APP: variants seen among roughly 807,000 people sequenced by gnomAD.
APP encodes amyloid beta precursor protein, also known as amyloid-beta precursor protein.
Under a neutral mutation model 101.4 loss-of-function variants are expected in APP, and 31 were observed. That is an observed-to-expected ratio of 0.31 (90% CI 0.23 to 0.41). The LOEUF is 0.41. APP is among the 10% of genes least tolerant of loss of function. APP has a pLI of 1.00. For synonymous variants in APP, 366 were observed against 364.4 expected (o/e 1.00, Z -0.05); for missense variants, 839 against 1,003.7 (o/e 0.84, Z 2.22).
chr21:26,004,156 T>A (rs1168874890), intron 6 of APP, among the ~76,000 whole-genome samples: 1 of 151,954 alleles, frequency 6.6e-6, no homozygotes, highest in African/African-American at 2.4e-5. Context: ...CTCTCAGAAG[T>A]GAACACGGAG....
intron 8 of APP, among the ~76,000 whole-genome samples, chr21:25,988,702 CAAAAAAAA>C (rs537417600): frequency 2.2e-4 from 14 of 62,372 alleles, no homozygotes; most frequent in Non-Finnish European, 3.7e-4. Flanking sequence ...AACTCTGTCT[CAAAAAAAA>C]AAAAAAAAAA....
At chr21:26,119,715 C>T (rs1169800367) in intron 1 of APP, among the ~76,000 whole-genome samples, 1 of 152,120 alleles carries the variant, frequency 6.6e-6, no homozygotes, top group Non-Finnish European at 1.5e-5. Flanking sequence ...CATATACACA[C>T]AGTTTAAGAG....
At chr21:25,899,005 C>G (rs1003068116) in intron 15 of APP, among the ~76,000 whole-genome samples, 1 of 152,182 alleles carries the variant, frequency 6.6e-6, no homozygotes, top group African/African-American at 2.4e-5. Context: ...CTGACAAAAC[C>G]TAGGAAATCC....
intron 3 of APP, among the ~76,000 whole-genome samples, chr21:26,069,187 G>C (rs768645447): frequency 6.6e-6 from 1 of 152,112 alleles, no homozygotes; most frequent in African/African-American, 2.4e-5. Context: ...TAAAAATCAT[G>C]CTTCCACTTT....
In APP at chr21:25,961,936, C is replaced by T. The variant is rs182551860; in HGVS notation, c.1459-6181G>A. Among the ~76,000 whole-genome samples, 404 of 151,778 alleles carry T rather than the reference C, an allele frequency of 2.7e-3. 1 individual carries two copies. Among genetic ancestry groups the T allele is most frequent in the African/African-American group, 9.4e-3 (390 of 41,378 alleles). On this transcript the variant is annotated intron_variant, in intron 11 of 17. Transcript: ENST00000346798. Reference sequence around the variant, plus strand: ...TTTTTTAACCTGCAGGCATATAATCCGGATCACCCTCATGTCTTTAAATCT... The same window carrying T: ...TTTTTTAACCTGCAGGCATATAATCTGGATCACCCTCATGTCTTTAAATCT...
At chr21:25,887,278 C>T (rs567164891) in intron 17 of APP, among the ~76,000 whole-genome samples, 30 of 152,214 alleles carry the variant, frequency 2.0e-4, no homozygotes, top group African/African-American at 6.7e-4. Context: ...GCAGGAACGT[C>T]CTAAAACAGG....
At chr21:25,964,429 A>G (rs1005956370) in intron 11 of APP, among the ~76,000 whole-genome samples, 4 of 152,202 alleles carry the variant, frequency 2.6e-5, no homozygotes, top group African/African-American at 9.7e-5. Flanking sequence ...AAAGAGGAGA[A>G]AAATTAACTC....
At chr21:25,930,573 G>T (rs919189971) in intron 13 of APP, among the ~76,000 whole-genome samples, 2 of 86 alleles carry the variant, frequency 0.023, no homozygotes, top group African/African-American at 0.05. Flanking sequence ...AGGCAAGTGT[G>T]TAATAGCACA....
intron 3 of APP, among the ~76,000 whole-genome samples, chr21:26,073,375 G>A (rs899622843): frequency 1.3e-5 from 2 of 152,246 alleles, no homozygotes; most frequent in East Asian, 1.9e-4. Context: ...CCCATCAACC[G>A]ATGCCACTGA....
At chr21:26,068,936 A>C (rs1420006831) in intron 3 of APP, among the ~76,000 whole-genome samples, 1 of 152,144 alleles carries the variant, frequency 6.6e-6, no homozygotes. Flanking sequence ...ACTTTTAGCA[A>C]ATGTACTAGA....
chr21:26,021,647 A>G (rs2044341915), intron 6 of APP, among the ~76,000 whole-genome samples, 193 bp downstream of exon 6: 1 of 152,206 alleles, frequency 6.6e-6, no homozygotes, highest in Non-Finnish European at 1.5e-5. Flanking sequence ...AAACTGTATA[A>G]TAAAGATTTC....
chr21:26,106,392 GT>G (rs905265432), intron 2 of APP, among the ~76,000 whole-genome samples: 1 of 152,132 alleles, frequency 6.6e-6, no homozygotes, highest in Non-Finnish European at 1.5e-5. Context: ...TGTTTAGGGG[GT>G]TTTTATCACC....
chr21:25,933,653 C>A (rs939537353), intron 13 of APP, among the ~76,000 whole-genome samples: 3 of 152,158 alleles, frequency 2.0e-5, no homozygotes, highest in Admixed American at 6.5e-5. Flanking sequence ...TTTATACATG[C>A]CTTTTCATCT....
At chr21:26,046,091 C>T (rs1399199594) in intron 5 of APP, among the ~76,000 whole-genome samples, 2 of 151,818 alleles carry the variant, frequency 1.3e-5, no homozygotes, top group Non-Finnish European at 2.9e-5. Context: ...AAAGACTTGC[C>T]CCCATGATTC....
At chr21:26,082,385 C>T (rs993501442) in intron 3 of APP, among the ~76,000 whole-genome samples, 7 of 151,862 alleles carry the variant, frequency 4.6e-5, no homozygotes, top group African/African-American at 1.5e-4. Flanking sequence ...TATTTCCTGC[C>T]CTCAAAAATT....
chr21:26,165,090 C>T (rs1286231344), intron 1 of APP, among the ~76,000 whole-genome samples: 1 of 151,912 alleles, frequency 6.6e-6, no homozygotes, highest in Non-Finnish European at 1.5e-5. Context: ...ATCTGAGATA[C>T]CATGTGCTTT....
intron 2 of APP, among the ~76,000 whole-genome samples, chr21:26,104,867 T>G (rs1694906163): frequency 6.6e-6 from 1 of 152,174 alleles, no homozygotes; most frequent in South Asian, 2.1e-4. Context: ...TGAGTTCTGT[T>G]GGTTTTGTTC....
rs115291955 is a variant in APP, at chr21:25,888,517, G to A, written c.2211+3205C>T. Among the ~76,000 whole-genome samples, 590 of 152,248 alleles carry A rather than the reference G, an allele frequency of 3.9e-3. 8 individuals are homozygous for A. The highest frequency in any genetic ancestry group is 0.014 in the African/African-American group (561 of 41,538). On this transcript the variant is annotated intron_variant, in intron 17 of 17. Transcript: ENST00000346798. ...TGCTTTCAGGAAGGACAGTCACAAAGGTCTTGAGGGGAAGGAGCTGAGAGG... is the reference window on the plus strand; with the variant it reads ...TGCTTTCAGGAAGGACAGTCACAAAAGTCTTGAGGGGAAGGAGCTGAGAGG...
intron 9 of APP, among the ~76,000 whole-genome samples, chr21:25,976,999 C>T (rs567047300): frequency 6.6e-6 from 1 of 152,264 alleles, no homozygotes; most frequent in African/African-American, 2.4e-5. Flanking sequence ...CTTGGACTTC[C>T]CCACCTGCAA....
Sources: gnomAD v4.1 joint callset for allele counts (sites outside exome capture counted in the v4.1 genomes callset) on GRCh38, gnomAD v4.1.1 for gene constraint, MANE v1.5 for transcripts, NCBI Gene and HGNC (gene_info 2026-07-23, HGNC 2026-07-21) for gene names.